Variants in MLXIPL observed in about 807,000 individuals in gnomAD.
MLXIPL encodes the protein MLX interacting protein like, also known as carbohydrate-responsive element-binding protein.
Under a neutral mutation model 81.5 loss-of-function variants are expected in MLXIPL, and 49 were observed. The ratio of observed to expected loss-of-function variants is 0.60; its 90% confidence interval spans 0.48 to 0.76. The LOEUF is 0.76. MLXIPL is among the 30% of genes least tolerant of loss of function. MLXIPL has a pLI of 0.00. For missense variants in MLXIPL, 1,053 were observed against 1,167.0 expected (o/e 0.90, Z 1.42); for synonymous variants, 466 against 485.5 (o/e 0.96, Z 0.53).
chr7:73,631,134 G>A, the MLXIPL span, among the ~76,000 whole-genome samples: 1,036 of 151,682 alleles, frequency 6.8e-3, 12 homozygotes, highest in African/African-American at 0.024. Flanking sequence ...TCAGCCTCCC[G>A]AGTAGCTAGG....
the MLXIPL span, among the ~76,000 whole-genome samples, chr7:73,639,161 G>C: frequency 2.0e-5 from 3 of 152,084 alleles, no homozygotes; most frequent in Non-Finnish European, 4.4e-5. Flanking sequence ...GGCTGCTTCC[G>C]GGGGAGGCTT....
At chr7:73,613,662 C>T (rs549977940) in intron 2 of MLXIPL, among the ~76,000 whole-genome samples, 7 of 152,152 alleles carry the variant, frequency 4.6e-5, no homozygotes, top group Non-Finnish European at 8.8e-5. Flanking sequence ...TAGCAAGCTT[C>T]GACTCCGGGA....
At chr7:73,646,213 A>C in the MLXIPL span, among the ~76,000 whole-genome samples, 41 of 152,238 alleles carry the variant, frequency 2.7e-4, no homozygotes, top group African/African-American at 9.4e-4. Context: ...CGGGGAGGGT[A>C]CCCAGGGAGG....
rs1554598024 is a variant in MLXIPL at position 73,606,059 on chromosome 7, C to T, written c.671G>A (p.Ser224Asn). Residue 224 changes from serine (S) to asparagine (N), a missense_variant, in exon 6 of 17, where the codon AGT becomes AAT. Around this residue, in one of 3 missense-constraint regions of MLXIPL, gnomAD observed 823 missense variants for 933.0 expected, o/e 0.88. Transcript: ENST00000313375. The stretch of plus-strand genomic sequence containing the variant: ...GTCCCCCAGCAGCACGGGGACCACA[C>T]TGGAGAAGAGCTGTTTGCACCATTG... ...PEQWCKQLFS[S>N]VVPVLLGDPE... 4 of 1,592,216 alleles carry T rather than the reference C, an allele frequency of 2.5e-6. No homozygotes were observed. Among genetic ancestry groups the T allele is most frequent in the Non-Finnish European group, 3.4e-6 (4 of 1,169,454 alleles).
At chr7:73,595,812 G>C (rs1191758737) in intron 14 of MLXIPL, 30 bp downstream of exon 14, 1 of 1,586,918 alleles carries the variant, frequency 6.3e-7, no homozygotes, top group Non-Finnish European at 8.6e-7. Flanking sequence ...ATGGCCCCCT[G>C]GTCCCAGCAC....
At chr7:73,639,131 T>C in the MLXIPL span, among the ~76,000 whole-genome samples, 3 of 152,094 alleles carry the variant, frequency 2.0e-5, no homozygotes, top group African/African-American at 7.2e-5. Flanking sequence ...GCTCAGAAAC[T>C]TCCCCTTCTG....
At chr7:73,624,618 G>A, upstream of MLXIPL, 2 of 1,379,984 alleles carry the variant, frequency 1.4e-6, no homozygotes, top group Non-Finnish European at 1.9e-6. Flanking sequence ...GCGGGGCCTG[G>A]GACGGGGCGG....
chr7:73,602,167 T>TTCCTTC lies in MLXIPL; in HGVS notation c.902-2473_902-2472insGAAGGA, dbSNP rs1554596522. On this transcript the variant is annotated intron_variant, in intron 7 of 16. Coordinates refer to ENST00000313375, the MANE Select transcript of MLXIPL (RefSeq NM_032951.3). Reference sequence around the variant, plus strand: ...TCCTTCCTTCCTTCCTTCCTTCCTTTCTTTCCCTCTCTCTCTTTCTTTCAT... The same window carrying TTCCTTC: ...TCCTTCCTTCCTTCCTTCCTTCCTTTTCCTTCCTTTCCCTCTCTCTCTTTCTTTCAT... Among the ~76,000 whole-genome samples, 109 of 22,498 alleles carry TTCCTTC rather than the reference T, an allele frequency of 4.8e-3. 1 individual carries two copies. Among genetic ancestry groups the TTCCTTC allele is most frequent in the African/African-American group, 0.014 (86 of 6,174 alleles). 14.8% of individuals were successfully genotyped at this position (22,498 alleles called of 152,430 possible).
In MLXIPL at chr7:73,596,134, G is replaced by C; in HGVS notation, c.2058+19C>G. 6.2e-7 allele frequency: 1 copy of C among 1,610,540 alleles called. No individual in the cohort carries two copies. The highest frequency in any genetic ancestry group is 8.5e-7 in the Non-Finnish European group (1 of 1,179,276). ...GGGCCCTGTGGTTTTGGGGGTGCCA[G>C]CCTGGGCCCGGGGCTCACCTTGAGG... On this transcript the variant is annotated intron_variant, in intron 13 of 16. Transcript: ENST00000313375. The surrounding 1 kb of genome is among the most constrained non-coding windows in gnomAD (Gnocchi z 4.7).
chr7:73,624,142 A>AAC, intron 1 of MLXIPL, 58 bp downstream of exon 1: 1 of 805,756 alleles, frequency 1.2e-6, no homozygotes, highest in Non-Finnish European at 1.8e-6. Context: ...CCTGCCCCGG[A>AAC]CCCCCCCCCC....
At chr7:73,638,812 A>T in the MLXIPL span, among the ~76,000 whole-genome samples, 9 of 151,836 alleles carry the variant, frequency 5.9e-5, no homozygotes, top group Admixed American at 5.9e-4. Context: ...TAGTAGAGAC[A>T]GGGTTTCACC....
the MLXIPL span, among the ~76,000 whole-genome samples, chr7:73,636,858 G>C: frequency 1.3e-5 from 2 of 151,878 alleles, no homozygotes; most frequent in Non-Finnish European, 2.9e-5. Context: ...TCAGGAGTTC[G>C]AGCCCAGCCT....
the MLXIPL span, among the ~76,000 whole-genome samples, chr7:73,644,510 G>A: frequency 6.6e-6 from 1 of 152,036 alleles, no homozygotes; most frequent in Admixed American, 6.6e-5. Flanking sequence ...GTGCCTTGCC[G>A]GTTTTCTCAT....
chr7:73,631,972 TTTCTC>T, the MLXIPL span, among the ~76,000 whole-genome samples: 5 of 149,514 alleles, frequency 3.3e-5, no homozygotes, highest in Non-Finnish European at 7.4e-5. Context: ...TCTTTTTTCT[TTTCTC>T]CTCTCCTCTC....
At chr7:73,605,306 C>G (rs1395798225) in intron 7 of MLXIPL, among the ~76,000 whole-genome samples, 1 of 151,874 alleles carries the variant, frequency 6.6e-6, no homozygotes, top group Non-Finnish European at 1.5e-5. Context: ...TGCCTGTAAT[C>G]CCAGCACTTT....
chr7:73,607,555 T>C, intron 3 of MLXIPL, 35 bp downstream of exon 3: 1 of 1,606,100 alleles, frequency 6.2e-7, no homozygotes, highest in Non-Finnish European at 8.5e-7. Flanking sequence ...GGTGGGCAGG[T>C]GGGCAGGTGG....
intron 1 of MLXIPL, 54 bp downstream of exon 1, chr7:73,624,146 C>T (rs548821604): frequency 4.8e-6 from 7 of 1,447,074 alleles, no homozygotes; most frequent in South Asian, 1.3e-5. Flanking sequence ...CCCCGGACCC[C>T]CCCCCCATCC....
At chr7:73,625,809 G>A (rs72649063), upstream of MLXIPL, among the ~76,000 whole-genome samples, 97 of 152,074 alleles carry the variant, frequency 6.4e-4, no homozygotes, top group Middle Eastern at 3.4e-3. Flanking sequence ...AAAAAATTGT[G>A]ATCATTACTT....
chr7:73,624,139 C>CGG, intron 1 of MLXIPL, 61 bp downstream of exon 1: 2 of 1,398,752 alleles, frequency 1.4e-6, no homozygotes, highest in East Asian at 2.6e-5. Flanking sequence ...AGTCCTGCCC[C>CGG]GGACCCCCCC....
Sources: allele counts gnomAD v4.1 joint callset (sites outside exome capture counted in the v4.1 genomes callset), GRCh38; gene constraint gnomAD v4.1.1; regional missense constraint gnomAD v4.1.1; non-coding constraint Gnocchi (gnomAD v3.1); transcripts MANE v1.5; gene names NCBI Gene and HGNC (gene_info 2026-07-23, HGNC 2026-07-21).